ARB2A: variants seen among roughly 807,000 people sequenced by gnomAD.
The protein encoded by ARB2A is ARB2 cotranscriptional regulator A, also known as cotranscriptional regulator ARB2A.
the ARB2A span, among the ~76,000 whole-genome samples, chr5:93,816,984 T>C: frequency 6.6e-6 from 1 of 151,896 alleles, no homozygotes; most frequent in Admixed American, 6.6e-5. Context: ...ATATATAAAT[T>C]AATTAGATAA....
the ARB2A span, among the ~76,000 whole-genome samples, chr5:94,077,026 T>C: frequency 4.6e-5 from 7 of 152,174 alleles, no homozygotes; most frequent in Admixed American, 2.0e-4. Context: ...TCATGTTTTA[T>C]ATGAGACAAC....
At chr5:93,911,803 T>A in the ARB2A span, among the ~76,000 whole-genome samples, 1 of 151,874 alleles carries the variant, frequency 6.6e-6, no homozygotes, top group African/African-American at 2.4e-5. Flanking sequence ...TGGTCTCCCA[T>A]CAGGGCTTAG....
the ARB2A span, among the ~76,000 whole-genome samples, chr5:93,823,735 T>A: frequency 6.6e-6 from 1 of 152,138 alleles, no homozygotes; most frequent in Non-Finnish European, 1.5e-5. Context: ...GGCAGGCGGA[T>A]GACGAGGTCA....
At chr5:93,686,894 A>T in the ARB2A span, among the ~76,000 whole-genome samples, 246 of 152,338 alleles carry the variant, frequency 1.6e-3, no homozygotes, top group African/African-American at 5.6e-3. Context: ...AAAAGAGAAC[A>T]TATGCATAAT....
chr5:93,677,760 A>G, the ARB2A span, among the ~76,000 whole-genome samples: 1 of 152,168 alleles, frequency 6.6e-6, no homozygotes, highest in African/African-American at 2.4e-5. Context: ...AGCTCCCACC[A>G]ATTGAGCCTT....
the ARB2A span, chr5:93,741,271 C>T: frequency 3.1e-6 from 5 of 1,613,862 alleles, no homozygotes; most frequent in East Asian, 1.1e-4. Flanking sequence ...CGGGAGGGCG[C>T]CTTCGGAGGG....
chr5:93,866,460 C>T, the ARB2A span, among the ~76,000 whole-genome samples: 3 of 152,142 alleles, frequency 2.0e-5, no homozygotes, highest in South Asian at 6.2e-4. Flanking sequence ...ACACAGAAAC[C>T]CACATACACG....
chr5:93,877,069 T>C, the ARB2A span, among the ~76,000 whole-genome samples: 2 of 152,188 alleles, frequency 1.3e-5, no homozygotes, highest in Non-Finnish European at 2.9e-5. Flanking sequence ...CTGTAAATGT[T>C]TCTTTAACAT....
At chr5:93,766,348 A>G in the ARB2A span, among the ~76,000 whole-genome samples, 7 of 152,192 alleles carry the variant, frequency 4.6e-5, no homozygotes, top group African/African-American at 1.7e-4. Context: ...ACAAGAAAAA[A>G]ACAAACAACC....
At chr5:94,041,082 CT>C in the ARB2A span, among the ~76,000 whole-genome samples, 1 of 152,000 alleles carries the variant, frequency 6.6e-6, no homozygotes, top group Non-Finnish European at 1.5e-5. Context: ...TCTGGCCTCT[CT>C]GTCTCTCTCG....
chr5:93,927,883 ATATCCAAT>A, the ARB2A span, among the ~76,000 whole-genome samples: 1 of 152,270 alleles, frequency 6.6e-6, no homozygotes, highest in African/African-American at 2.4e-5. Flanking sequence ...CAGATTACTG[ATATCCAAT>A]TATCAAATAT....
the ARB2A span, among the ~76,000 whole-genome samples, chr5:93,878,104 C>T: frequency 1.0e-3 from 157 of 152,130 alleles, 1 homozygote; most frequent in South Asian, 0.031. Context: ...ATCTCAGCTA[C>T]TGGATTGAGT....
At chr5:93,954,311 G>C in the ARB2A span, among the ~76,000 whole-genome samples, 1 of 151,810 alleles carries the variant, frequency 6.6e-6, no homozygotes, top group African/African-American at 2.4e-5. Flanking sequence ...GGTTAGTTAG[G>C]GCCCATGGGC....
the ARB2A span, among the ~76,000 whole-genome samples, chr5:94,076,431 T>C: frequency 6.6e-6 from 1 of 152,130 alleles, no homozygotes; most frequent in Non-Finnish European, 1.5e-5. Context: ...TCCTAGTATA[T>C]AAGGTAGGCA....
chr5:93,648,428 C>A, the ARB2A span, among the ~76,000 whole-genome samples: 1 of 152,264 alleles, frequency 6.6e-6, no homozygotes, highest in South Asian at 2.1e-4. Flanking sequence ...AAGAAACTTA[C>A]AACCCAGGAA....
chr5:94,030,925 G>A, the ARB2A span, among the ~76,000 whole-genome samples: 1 of 152,146 alleles, frequency 6.6e-6, no homozygotes, highest in African/African-American at 2.4e-5. Flanking sequence ...TTATGATGCA[G>A]TACAAGGCCC....
chr5:93,630,050 A>G, the ARB2A span, among the ~76,000 whole-genome samples: 1 of 152,216 alleles, frequency 6.6e-6, no homozygotes, highest in Non-Finnish European at 1.5e-5. Flanking sequence ...AGCTATAAAG[A>G]ATCAGAGAAA....
chr5:94,087,409 A>G, the ARB2A span, among the ~76,000 whole-genome samples: 2,136 of 152,268 alleles, frequency 0.014, 53 homozygotes, highest in African/African-American at 0.048. Flanking sequence ...CATCTCTTAA[A>G]AAAAAATTAA....
At chr5:93,662,046 A>C in the ARB2A span, among the ~76,000 whole-genome samples, 1 of 152,162 alleles carries the variant, frequency 6.6e-6, no homozygotes, top group Non-Finnish European at 1.5e-5. Context: ...TGTTTTGTAG[A>C]TCAATATCAA....
Sources: allele counts gnomAD v4.1 joint callset (sites outside exome capture counted in the v4.1 genomes callset), GRCh38; gene constraint gnomAD v4.1.1; transcripts MANE v1.5; gene names NCBI Gene and HGNC (gene_info 2026-07-23, HGNC 2026-07-21).